Variants in PCSK6 observed in about 807,000 individuals in gnomAD.
PCSK6 encodes paired basic amino acid cleaving enzyme 4.
A neutral mutation model predicts 123.3 loss-of-function variants in PCSK6; 85 were observed. That is an observed-to-expected ratio of 0.69 (90% CI 0.58 to 0.83). The LOEUF (loss-of-function observed/expected upper bound fraction) is 0.83. Ranked by LOEUF, PCSK6 falls within the 40% of genes least tolerant of loss-of-function variation. The pLI is 0.00. For missense variants in PCSK6, 1,191 were observed against 1,282.3 expected (o/e 0.93, Z 1.09); for synonymous variants, 508 against 516.0 (o/e 0.98, Z 0.21).
intron 8 of PCSK6, 37 bp downstream of exon 8, chr15:101,393,175 C>T: frequency 6.7e-7 from 1 of 1,490,998 alleles, no homozygotes; most frequent in South Asian, 1.2e-5. Flanking sequence ...GGCTGAGGCA[C>T]TCACTGTAAG....
chr15:101,417,811 T>TA (rs931100983), intron 6 of PCSK6, among the ~76,000 whole-genome samples: 2 of 151,058 alleles, frequency 1.3e-5, no homozygotes, highest in Non-Finnish European at 3.0e-5. Context: ...GGAACTCAAT[T>TA]AAAAAAAACC....
intron 11 of PCSK6, among the ~76,000 whole-genome samples, chr15:101,371,747 G>T (rs1390227821): frequency 2.6e-5 from 4 of 152,204 alleles, no homozygotes; most frequent in African/African-American, 7.2e-5. Context: ...TCGCTGCCTC[G>T]AATGGAAGCT....
At chr15:101,422,564 T>TA (rs1047693585) in intron 6 of PCSK6, among the ~76,000 whole-genome samples, 26 of 150,914 alleles carry the variant, frequency 1.7e-4, no homozygotes, top group African/African-American at 6.1e-4. Context: ...TAGCAAACAT[T>TA]AAAAAAAAGA....
chr15:101,369,633 G>A (rs2041514771), intron 12 of PCSK6, among the ~76,000 whole-genome samples: 1 of 152,214 alleles, frequency 6.6e-6, no homozygotes, highest in South Asian at 2.1e-4. Context: ...AGAATACCCT[G>A]GCCCCTCTTA....
At chr15:101,358,313 A>C (rs2041107181) in intron 13 of PCSK6, among the ~76,000 whole-genome samples, 1 of 152,190 alleles carries the variant, frequency 6.6e-6, no homozygotes. Context: ...ATAAAAAAAA[A>C]CAAAGTGACA....
intron 12 of PCSK6, among the ~76,000 whole-genome samples, chr15:101,366,753 CG>C (rs1340664576): frequency 6.6e-6 from 1 of 152,148 alleles, no homozygotes; most frequent in South Asian, 2.1e-4. Context: ...CAGACAGGGG[CG>C]GGGGTCCCCC....
At chr15:101,414,717 G>T (rs551586770) in intron 6 of PCSK6, among the ~76,000 whole-genome samples, 1 of 152,262 alleles carries the variant, frequency 6.6e-6, no homozygotes, top group South Asian at 2.1e-4. Flanking sequence ...ACCAGCAAAA[G>T]GCAGGTAAAG....
chr15:101,435,263 A>G (rs12440721), intron 2 of PCSK6, among the ~76,000 whole-genome samples: 16,819 of 151,966 alleles, frequency 0.11, 1,132 homozygotes, highest in South Asian at 0.21. Flanking sequence ...GTGAGCAGAG[A>G]TTGCACCATT....
chr15:101,305,710 AAAAT>A lies in PCSK6; in HGVS notation c.2813-359_2813-356del, dbSNP rs1037841328. The A allele has an allele frequency of 8.9e-5, 16 of 180,552 alleles. No individual in the cohort carries two copies. The highest frequency in any genetic ancestry group is 1.5e-4 in the Non-Finnish European group (13 of 84,830). 11.2% of individuals were successfully genotyped at this position (180,552 alleles called of 1,614,324 possible). A position where few individuals can be genotyped will look rare whatever the true frequency, so the allele number is the denominator to read the frequency against. On this transcript the variant is annotated intron_variant, in intron 21 of 21. Coordinates refer to ENST00000611716, the MANE Select transcript of PCSK6 (RefSeq NM_002570.5). The surrounding 1 kb of genome is among the most constrained non-coding windows in gnomAD (Gnocchi z 4.8). ...GCAAGAAGAACAAAACTCCGTCTCA[AAAAT>A]AAATAAATAAATACATAAATAAATA... is the stretch of plus-strand genomic sequence containing the variant.
chr15:101,346,690 G>T, intron 13 of PCSK6: 1 of 1,089,730 alleles, frequency 9.2e-7, no homozygotes, highest in Non-Finnish European at 1.2e-6. Flanking sequence ...TCTGGGAAAG[G>T]GGTTTCAAGA....
At chr15:101,327,049 C>T (rs1330411632) in intron 15 of PCSK6, among the ~76,000 whole-genome samples, 1 of 152,128 alleles carries the variant, frequency 6.6e-6, no homozygotes, top group Non-Finnish European at 1.5e-5. Context: ...CTGGCCAGGT[C>T]TAGGGTGGGG....
intron 10 of PCSK6, among the ~76,000 whole-genome samples, chr15:101,382,996 A>C (rs1405967217): frequency 6.6e-6 from 1 of 152,202 alleles, no homozygotes; most frequent in Non-Finnish European, 1.5e-5. Context: ...TACAGATAGT[A>C]GTATCAGACT....
chr15:101,370,226 C>T lies in PCSK6; in HGVS notation c.1721+109G>A, dbSNP rs6598454. ...CAGCAGAACCAGTGGGAGTCCCCAACGCCAGAGGGCCTTGCAGAGACACTG... is the reference window on the plus strand; with the variant it reads ...CAGCAGAACCAGTGGGAGTCCCCAATGCCAGAGGGCCTTGCAGAGACACTG... On this transcript the variant is annotated intron_variant, in intron 12 of 21. Transcript: ENST00000611716. 0.018 allele frequency: 16,356 copies of T among 919,718 alleles called. 1,935 individuals are homozygous for T. In the African/African-American group the frequency reaches 0.25, roughly 14 times the overall value. The allele number at this position is 919,718 out of a possible 1,614,324, so 57.0% of individuals were successfully genotyped here.
chr15:101,369,181 G>A (rs1259298988), intron 12 of PCSK6, among the ~76,000 whole-genome samples: 1 of 152,256 alleles, frequency 6.6e-6, no homozygotes, highest in South Asian at 2.1e-4. Flanking sequence ...AGACCAGGCT[G>A]CTGGGCAGTG....
chr15:101,313,249 C>T, intron 20 of PCSK6, 127 bp downstream of exon 20: 1 of 1,567,436 alleles, frequency 6.4e-7, no homozygotes. Context: ...TAAATGGGCT[C>T]CTGTCCACAG....
intron 6 of PCSK6, among the ~76,000 whole-genome samples, chr15:101,403,287 G>GA (rs1196672304): frequency 3.2e-4 from 34 of 106,340 alleles, no homozygotes; most frequent in Admixed American, 4.6e-4. Context: ...GGGGGGAGGG[G>GA]GGAGGGATAG....
intron 8 of PCSK6, among the ~76,000 whole-genome samples, chr15:101,392,296 C>T (rs944631929): frequency 2.0e-5 from 3 of 152,220 alleles, no homozygotes; most frequent in Admixed American, 1.3e-4. Flanking sequence ...CTTAGTTAAC[C>T]AGGCCGAGCT....
At chr15:101,320,915 C>G (rs1042095485) in intron 18 of PCSK6, among the ~76,000 whole-genome samples, 1 of 152,146 alleles carries the variant, frequency 6.6e-6, no homozygotes, top group African/African-American at 2.4e-5. Flanking sequence ...GCGGGGCTAC[C>G]GACAGGAGGC....
chr15:101,421,394 G>A (rs2056080580), intron 6 of PCSK6, among the ~76,000 whole-genome samples: 1 of 152,184 alleles, frequency 6.6e-6, no homozygotes, highest in South Asian at 2.1e-4. Context: ...CTACTCAAAA[G>A]GTGCGACCAA....
Sources: gnomAD v4.1 joint callset for allele counts (sites outside exome capture counted in the v4.1 genomes callset) on GRCh38, gnomAD v4.1.1 for gene constraint, Gnocchi (gnomAD v3.1) non-coding constraint, MANE v1.5 for transcripts, NCBI Gene and HGNC (gene_info 2026-07-23, HGNC 2026-07-21) for gene names.